The following FOXP1 variants were observed in gnomAD, a reference collection of about 807,000 sequenced individuals.
FOXP1 encodes the protein forkhead box P1.
In FOXP1, 15 loss-of-function variants were observed where a neutral mutation model predicts 98.2. That is an observed-to-expected ratio of 0.15 (90% CI 0.10 to 0.24). The LOEUF (loss-of-function observed/expected upper bound fraction) is 0.24, where lower values mean the gene tolerates loss of function less well. Among genes scored for constraint, FOXP1 ranks in the 10% least tolerant of loss-of-function variants. The pLI, the probability that FOXP1 is intolerant of heterozygous loss-of-function variation, is 1.00. For synonymous variants in FOXP1, 371 were observed against 314.5 expected (o/e 1.18, Z -1.90); for missense variants, 633 against 848.5 (o/e 0.75, Z 3.15).
rs201528091 is a variant in FOXP1 at position 71,553,534 on chromosome 3, G to GT, written c.-298+28014dup. On this transcript the variant is annotated intron_variant, in intron 2 of 20. Transcript: ENST00000649528. ...ATTTAACTTGTTCGGTTCTTCACTG[G>GT]TTTTTTCAGGGATAAAAATGGTAAT... Among the ~76,000 whole-genome samples the GT allele has an allele frequency of 9.1e-3, 1,392 of 152,150 alleles. 12 individuals carry two copies. Among genetic ancestry groups the GT allele is most frequent in the Non-Finnish European group, 0.016 (1,059 of 67,982 alleles).
chr3:71,393,317 GT>G (rs145746297), intron 3 of FOXP1, among the ~76,000 whole-genome samples: 2 of 150,430 alleles, frequency 1.3e-5, no homozygotes, highest in African/African-American at 2.4e-5. Flanking sequence ...TTGATCCTCA[GT>G]TTTTTTTTGT....
At chr3:71,422,601 A>G (rs550434206) in intron 3 of FOXP1, among the ~76,000 whole-genome samples, 1 of 152,368 alleles carries the variant, frequency 6.6e-6, no homozygotes, top group South Asian at 2.1e-4. Flanking sequence ...ACTTGTTTCA[A>G]ATGAATCTGA....
At chr3:71,548,050 G>T (rs566582487) in intron 2 of FOXP1, among the ~76,000 whole-genome samples, 19 of 152,212 alleles carry the variant, frequency 1.2e-4, no homozygotes, top group Non-Finnish European at 2.6e-4. Flanking sequence ...GCAATCTGCA[G>T]TTCCTCTTTG....
chr3:71,385,816 G>T (rs563987747), intron 3 of FOXP1, among the ~76,000 whole-genome samples: 46 of 151,976 alleles, frequency 3.0e-4, no homozygotes, highest in African/African-American at 1.1e-3. Flanking sequence ...TCTTTTCCCC[G>T]CACCTCTCTA....
At chr3:71,327,123 G>C (rs2075737881) in intron 4 of FOXP1, among the ~76,000 whole-genome samples, 2 of 151,876 alleles carry the variant, frequency 1.3e-5, no homozygotes, top group Admixed American at 1.3e-4. Context: ...AGACCACAGG[G>C]CCATACTGAA....
At chr3:71,452,570 CTTGTTGTAT>C (rs2087059057) in intron 3 of FOXP1, among the ~76,000 whole-genome samples, 1 of 152,116 alleles carries the variant, frequency 6.6e-6, no homozygotes, top group Non-Finnish European at 1.5e-5. Context: ...AAAGGAGGCT[CTTGTTGTAT>C]TTTAATATTT....
chr3:71,487,970 G>T (rs1052934050), intron 3 of FOXP1, among the ~76,000 whole-genome samples: 4 of 152,008 alleles, frequency 2.6e-5, no homozygotes, highest in African/African-American at 9.7e-5. Context: ...AAATTTAACA[G>T]ATTTTTTTTT....
intron 5 of FOXP1, among the ~76,000 whole-genome samples, chr3:71,209,786 C>T (rs564598003): frequency 2.0e-5 from 3 of 152,240 alleles, no homozygotes; most frequent in South Asian, 4.1e-4. Flanking sequence ...GAAACACAAT[C>T]GGCAATTAAA....
chr3:71,522,704 T>C (rs1020309557), intron 2 of FOXP1, among the ~76,000 whole-genome samples: 2 of 152,268 alleles, frequency 1.3e-5, no homozygotes, highest in Admixed American at 1.3e-4. Context: ...CATGCACTGA[T>C]GTCATATTGA....
chr3:71,301,646 G>A (rs926681707), intron 4 of FOXP1, among the ~76,000 whole-genome samples: 1 of 152,152 alleles, frequency 6.6e-6, no homozygotes, highest in Non-Finnish European at 1.5e-5. Flanking sequence ...TATAGTATTA[G>A]ACTTTGCAAT....
chr3:71,319,749 A>G (rs1286142637), intron 4 of FOXP1, among the ~76,000 whole-genome samples: 6 of 152,008 alleles, frequency 3.9e-5, no homozygotes, highest in Non-Finnish European at 8.8e-5. Flanking sequence ...TTCTTCTCAA[A>G]CAGTTCCCAT....
intron 14 of FOXP1, among the ~76,000 whole-genome samples, chr3:70,978,729 T>C (rs2038130993): frequency 1.3e-5 from 2 of 151,378 alleles, no homozygotes; most frequent in Non-Finnish European, 1.5e-5. Flanking sequence ...GTCATTTGTT[T>C]CTATCAATCA....
chr3:71,505,570 C>T (rs891591374), intron 2 of FOXP1, among the ~76,000 whole-genome samples: 1 of 152,088 alleles, frequency 6.6e-6, no homozygotes, highest in African/African-American at 2.4e-5. Context: ...GGATTACAGG[C>T]GCTTGCCGCC....
chr3:70,987,600 T>C lies in FOXP1; in HGVS notation c.1146+394A>G, dbSNP rs543667578. Reference sequence around the variant, plus strand: ...TTCCTACACACCACTGTCTCTCAGCTTACCCGAGCTGAAATGCCTCTTTGC... The same window carrying C: ...TTCCTACACACCACTGTCTCTCAGCCTACCCGAGCTGAAATGCCTCTTTGC... On this transcript the variant is annotated intron_variant, in intron 14 of 20. Coordinates refer to ENST00000649528, the MANE Select transcript of FOXP1 (RefSeq NM_001349338.3). 2.6e-5 allele frequency among the ~76,000 whole-genome samples: 4 copies of C among 152,350 alleles called. 1 individual carries two copies. In the South Asian group the frequency reaches 8.3e-4, roughly 32 times the overall value.
chr3:71,400,696 G>C (rs931151596), intron 3 of FOXP1, among the ~76,000 whole-genome samples: 2 of 152,142 alleles, frequency 1.3e-5, no homozygotes, highest in Admixed American at 6.5e-5. Context: ...ACTTTCATCT[G>C]AATACAGAAC....
intron 2 of FOXP1, among the ~76,000 whole-genome samples, chr3:71,557,341 T>G (rs1015539108): frequency 6.6e-6 from 1 of 151,738 alleles, no homozygotes; most frequent in East Asian, 1.9e-4. Flanking sequence ...AATGGTCAAT[T>G]TATATCTTTC....
intron 3 of FOXP1, among the ~76,000 whole-genome samples, chr3:71,478,913 T>C (rs983402430): frequency 6.6e-6 from 1 of 152,166 alleles, no homozygotes; most frequent in Middle Eastern, 3.2e-3. Flanking sequence ...TCTGAGAATC[T>C]TGTTGAAAGG....
At chr3:71,361,592 C>T (rs975680860) in intron 3 of FOXP1, among the ~76,000 whole-genome samples, 3 of 152,098 alleles carry the variant, frequency 2.0e-5, no homozygotes, top group African/African-American at 4.8e-5. Context: ...TTTGTAGGTC[C>T]GGCTTCTCTC....
intron 2 of FOXP1, among the ~76,000 whole-genome samples, chr3:71,539,539 G>A (rs567740213): frequency 1.1e-4 from 17 of 151,388 alleles, no homozygotes; most frequent in Non-Finnish European, 2.5e-4. Flanking sequence ...TTTTGGTAGG[G>A]ACTGCAATTA....
Sources: gnomAD v4.1 joint callset for allele counts (sites outside exome capture counted in the v4.1 genomes callset) on GRCh38, gnomAD v4.1.1 for gene constraint, MANE v1.5 for transcripts, NCBI Gene and HGNC (gene_info 2026-07-23, HGNC 2026-07-21) for gene names.